Variants in DLC1 observed in about 807,000 individuals in gnomAD.
The protein encoded by DLC1 is DLC1 Rho GTPase activating protein, also known as rho GTPase-activating protein 7.
Under a neutral mutation model 140.3 loss-of-function variants are expected in DLC1, and 54 were observed. That is an observed-to-expected ratio of 0.38 (90% confidence interval 0.31 to 0.48). DLC1 has a LOEUF of 0.48. Among genes scored for constraint, DLC1 ranks in the 20% least tolerant of loss-of-function variants. The probability of loss-of-function intolerance (pLI) is 0.96; values close to 1 mark genes in which losing one functional copy is unlikely to be tolerated. For synonymous variants in DLC1, 986 were observed against 728.1 expected (o/e 1.35, Z -5.70); for missense variants, 2,536 against 1,907.0 (o/e 1.33, Z -6.14).
intron 5 of DLC1, among the ~76,000 whole-genome samples, chr8:13,240,552 A>G (rs1829501927): frequency 6.6e-6 from 1 of 152,054 alleles, no homozygotes; most frequent in South Asian, 2.1e-4. Context: ...CAGCCTCCCA[A>G]GTAGCTGGGA....
At chr8:13,220,425 T>G (rs1190269719) in intron 5 of DLC1, among the ~76,000 whole-genome samples, 1 of 152,192 alleles carries the variant, frequency 6.6e-6, no homozygotes, top group African/African-American at 2.4e-5. Context: ...AATGTCTCTT[T>G]AGAGTCTACA....
At chr8:13,230,377 C>T (rs1828989230) in intron 5 of DLC1, among the ~76,000 whole-genome samples, 1 of 152,204 alleles carries the variant, frequency 6.6e-6, no homozygotes. Flanking sequence ...ACACCTTTTC[C>T]CTCAAAAGTC....
intron 1 of DLC1, among the ~76,000 whole-genome samples, chr8:13,581,778 A>C (rs551263744): frequency 6.6e-6 from 1 of 152,298 alleles, no homozygotes; most frequent in South Asian, 2.1e-4. Context: ...AGGCCATGCA[A>C]GGTCCTCCGT....
At chr8:13,503,858 T>G (rs910884936) in intron 1 of DLC1, among the ~76,000 whole-genome samples, 1 of 152,218 alleles carries the variant, frequency 6.6e-6, no homozygotes, top group Non-Finnish European at 1.5e-5. Context: ...AGTTCTATCA[T>G]AGATATCTAT....
At chr8:13,355,612 C>A (rs1178364120) in intron 4 of DLC1, among the ~76,000 whole-genome samples, 1 of 152,106 alleles carries the variant, frequency 6.6e-6, no homozygotes, top group South Asian at 2.1e-4. Flanking sequence ...TGAATTACTT[C>A]CTTACAGCAA....
At chr8:13,144,966 T>C (rs1823307367) in intron 5 of DLC1, among the ~76,000 whole-genome samples, 1 of 152,196 alleles carries the variant, frequency 6.6e-6, no homozygotes, top group Admixed American at 6.5e-5. Flanking sequence ...TATTTTGTTA[T>C]GCAGCAACAG....
At chr8:13,588,865 A>G (rs1805421658) in intron 1 of DLC1, among the ~76,000 whole-genome samples, 1 of 152,038 alleles carries the variant, frequency 6.6e-6, no homozygotes, top group Admixed American at 6.6e-5. Flanking sequence ...TTGTTTTGTA[A>G]CAAAGCTCAT....
intron 5 of DLC1, among the ~76,000 whole-genome samples, chr8:13,200,124 C>T (rs966231742): frequency 6.6e-6 from 1 of 152,132 alleles, no homozygotes; most frequent in Non-Finnish European, 1.5e-5. Flanking sequence ...CTCACTGCAA[C>T]CTCCGCCTCC....
chr8:13,310,588 C>T (rs1832633006), intron 4 of DLC1, among the ~76,000 whole-genome samples: 1 of 152,188 alleles, frequency 6.6e-6, no homozygotes, highest in Admixed American at 6.5e-5. Context: ...ACATGAAAGA[C>T]AGCATGAAAG....
At chr8:13,158,394 T>C (rs1285501813) in intron 5 of DLC1, among the ~76,000 whole-genome samples, 1 of 152,212 alleles carries the variant, frequency 6.6e-6, no homozygotes, top group Non-Finnish European at 1.5e-5. Context: ...TTGAAATCAT[T>C]TGTGTATTTG....
intron 5 of DLC1, among the ~76,000 whole-genome samples, chr8:13,279,693 G>A (rs1307178925): frequency 6.6e-6 from 1 of 152,084 alleles, no homozygotes; most frequent in Non-Finnish European, 1.5e-5. Context: ...TACATTTTAT[G>A]GGTATAGTGT....
intron 2 of DLC1, among the ~76,000 whole-genome samples, chr8:13,473,493 G>C (rs777405234): frequency 2.6e-5 from 4 of 152,142 alleles, no homozygotes; most frequent in African/African-American, 9.7e-5. Context: ...GTAGAGCGGG[G>C]TGCTGCTGTA....
chr8:13,542,089 T>C (rs984906928), intron 1 of DLC1, among the ~76,000 whole-genome samples: 1 of 152,256 alleles, frequency 6.6e-6, no homozygotes, highest in Non-Finnish European at 1.5e-5. Context: ...TAACATTTTT[T>C]ATCTTTTTCG....
chr8:13,201,921 G>GTTTTTTTTTTTT (rs35475930), intron 5 of DLC1, among the ~76,000 whole-genome samples: 1 of 101,804 alleles, frequency 9.8e-6, no homozygotes, highest in Non-Finnish European at 2.0e-5. Context: ...TACCCAAAAG[G>GTTTTTTTTTTTT]TTTTTTTTTT....
chr8:13,256,666 T>C (rs1830240814), intron 5 of DLC1, among the ~76,000 whole-genome samples: 1 of 152,028 alleles, frequency 6.6e-6, no homozygotes, highest in African/African-American at 2.4e-5. Context: ...AAGTGGGAGT[T>C]GAACAATGAG....
intron 5 of DLC1, 87 bp from the exon 6 acceptor site, chr8:13,115,744 A>G: frequency 8.1e-7 from 1 of 1,230,296 alleles, no homozygotes. Flanking sequence ...TTTATGATAC[A>G]AGCAAAACAT....
chr8:13,141,886 T>TA (rs1335097919), intron 5 of DLC1, among the ~76,000 whole-genome samples: 1 of 152,194 alleles, frequency 6.6e-6, no homozygotes, highest in African/African-American at 2.4e-5. Context: ...AAAATAGACC[T>TA]AGCAACAAGG....
chr8:13,147,202 G>C (rs1392990188), intron 5 of DLC1, among the ~76,000 whole-genome samples: 2 of 152,274 alleles, frequency 1.3e-5, no homozygotes, highest in Middle Eastern at 3.4e-3. Flanking sequence ...TTCTAAGTAA[G>C]ACTGCCAGTC....
At chr8:13,151,979 A>C (rs1823853455) in intron 5 of DLC1, among the ~76,000 whole-genome samples, 2 of 152,180 alleles carry the variant, frequency 1.3e-5, no homozygotes, top group Non-Finnish European at 2.9e-5. Flanking sequence ...ATTCCATCCC[A>C]GAAAAATATG....
Sources: allele counts gnomAD v4.1 joint callset (sites outside exome capture counted in the v4.1 genomes callset), GRCh38; gene constraint gnomAD v4.1.1; transcripts MANE v1.5; gene names NCBI Gene and HGNC (gene_info 2026-07-23, HGNC 2026-07-21).